Variants in RAPGEF4 observed in about 807,000 individuals in gnomAD.
RAPGEF4 encodes RAP guanine-nucleotide-exchange factor (GEF) 4.
Under a neutral mutation model 147.9 loss-of-function variants are expected in RAPGEF4, and 66 were observed. The observed-to-expected ratio is 0.45, with a 90% CI of 0.37 to 0.55. The LOEUF (loss-of-function observed/expected upper bound fraction) is 0.55, where lower values mean the gene tolerates loss of function less well. Ranked by LOEUF, RAPGEF4 falls within the 20% of genes least tolerant of loss-of-function variation. RAPGEF4 has a pLI of 0.00. For missense variants in RAPGEF4, 1,071 were observed against 1,257.3 expected, an observed-to-expected ratio of 0.85 and a Z score of 2.24; for synonymous variants, 419 against 442.7, an observed-to-expected ratio of 0.95 and a Z score of 0.67.
intron 3 of RAPGEF4, among the ~76,000 whole-genome samples, chr2:172,807,881 C>G (rs768787409): frequency 6.6e-6 from 1 of 152,146 alleles, no homozygotes; most frequent in Non-Finnish European, 1.5e-5. Context: ...ACAATGAACT[C>G]TTCTTGAGCC....
At chr2:172,901,769 C>A (rs1264998550) in intron 4 of RAPGEF4, among the ~76,000 whole-genome samples, 1 of 152,210 alleles carries the variant, frequency 6.6e-6, no homozygotes, top group Non-Finnish European at 1.5e-5. Context: ...CACTCAACAA[C>A]TATTCCCTGA....
At chr2:172,831,747 T>C (rs976761222) in intron 4 of RAPGEF4, among the ~76,000 whole-genome samples, 1 of 152,156 alleles carries the variant, frequency 6.6e-6, no homozygotes, top group African/African-American at 2.4e-5. Context: ...ATTAAGACTA[T>C]GGGATATCAA....
At chr2:172,904,373 T>C (rs1383984697) in intron 4 of RAPGEF4, among the ~76,000 whole-genome samples, 6 of 152,236 alleles carry the variant, frequency 3.9e-5, no homozygotes, top group African/African-American at 1.4e-4. Flanking sequence ...CTTAGTGTGA[T>C]GAGAGGTAAG....
chr2:172,772,586 C>T (rs1227138770), intron 1 of RAPGEF4, among the ~76,000 whole-genome samples: 3 of 152,266 alleles, frequency 2.0e-5, no homozygotes, highest in East Asian at 1.9e-4. Flanking sequence ...TCAAGTGATC[C>T]GCCTGCCTCA....
chr2:172,736,522 G>C (rs997147569), intron 1 of RAPGEF4, among the ~76,000 whole-genome samples: 2 of 152,198 alleles, frequency 1.3e-5, no homozygotes, highest in African/African-American at 4.8e-5. Context: ...CGGTGGAGCT[G>C]TCGAATCCCT....
At chr2:172,808,226 A>C (rs1370961476) in intron 3 of RAPGEF4, among the ~76,000 whole-genome samples, 3 of 152,250 alleles carry the variant, frequency 2.0e-5, no homozygotes, top group Non-Finnish European at 4.4e-5. Context: ...AAAACGCCTC[A>C]TATGAGAATG....
intron 4 of RAPGEF4, among the ~76,000 whole-genome samples, chr2:172,881,815 T>C (rs1194814738): frequency 6.6e-6 from 1 of 152,246 alleles, no homozygotes; most frequent in Non-Finnish European, 1.5e-5. Context: ...TGGTATGCCT[T>C]ATCAGAGAAT....
intron 27 of RAPGEF4, among the ~76,000 whole-genome samples, chr2:173,035,157 C>G (rs1683790805): frequency 6.6e-6 from 1 of 151,796 alleles, no homozygotes. Context: ...TGGGCTCAAG[C>G]AATCCCCCGA....
intron 6 of RAPGEF4, among the ~76,000 whole-genome samples, chr2:172,927,147 G>A (rs1685453647): frequency 6.6e-6 from 1 of 152,090 alleles, no homozygotes. Flanking sequence ...ATAAGTTTTA[G>A]AAATTATTAT....
chr2:172,890,323 T>G (rs1160940179), intron 4 of RAPGEF4, among the ~76,000 whole-genome samples: 3 of 152,220 alleles, frequency 2.0e-5, no homozygotes, highest in Admixed American at 6.5e-5. Context: ...GACTATTGGG[T>G]GACCTTTTGT....
intron 3 of RAPGEF4, among the ~76,000 whole-genome samples, chr2:172,804,384 A>C (rs1293350726): frequency 6.6e-6 from 1 of 152,158 alleles, no homozygotes; most frequent in East Asian, 1.9e-4. Flanking sequence ...TGAGGGTCCT[A>C]CTTATTTTTC....
intron 6 of RAPGEF4, among the ~76,000 whole-genome samples, chr2:172,934,779 C>T (rs887081144): frequency 6.6e-6 from 1 of 152,064 alleles, no homozygotes; most frequent in Non-Finnish European, 1.5e-5. Flanking sequence ...TCACCCCCTA[C>T]CCCAACATTC....
intron 9 of RAPGEF4, among the ~76,000 whole-genome samples, chr2:172,966,314 T>A (rs1689836540): frequency 6.6e-6 from 1 of 152,226 alleles, no homozygotes; most frequent in Admixed American, 6.5e-5. Flanking sequence ...TCATTTCATT[T>A]ACCAACACCT....
At chr2:172,868,910 A>G (rs950958292) in intron 4 of RAPGEF4, among the ~76,000 whole-genome samples, 1 of 152,218 alleles carries the variant, frequency 6.6e-6, no homozygotes, top group Non-Finnish European at 1.5e-5. Context: ...GGGAGCAGGC[A>G]TGTCACTGAC....
chr2:172,774,875 T>A (rs1394049740), intron 1 of RAPGEF4, among the ~76,000 whole-genome samples: 1 of 152,210 alleles, frequency 6.6e-6, no homozygotes, highest in Non-Finnish European at 1.5e-5. Flanking sequence ...TATTGTTGAA[T>A]GAAAGAAATT....
chr2:172,911,986 C>T (rs1405708054), intron 4 of RAPGEF4, among the ~76,000 whole-genome samples: 1 of 151,796 alleles, frequency 6.6e-6, no homozygotes, highest in Non-Finnish European at 1.5e-5. Context: ...AGGCTGGTTT[C>T]GAACTCCTGG....
At chr2:172,768,497 A>G (rs1200195077) in intron 1 of RAPGEF4, among the ~76,000 whole-genome samples, 1 of 150,704 alleles carries the variant, frequency 6.6e-6, no homozygotes, top group African/African-American at 2.5e-5. Context: ...AATTTTTGCA[A>G]CCAAAAGTAA....
intron 1 of RAPGEF4, among the ~76,000 whole-genome samples, chr2:172,757,922 A>G (rs1308339521): frequency 6.6e-6 from 1 of 152,246 alleles, no homozygotes; most frequent in Non-Finnish European, 1.5e-5. Flanking sequence ...TCTTGCTCTC[A>G]TGGAGCTTAC....
chr2:172,793,752 A>T (rs1445667467), intron 1 of RAPGEF4, among the ~76,000 whole-genome samples: 2 of 152,226 alleles, frequency 1.3e-5, no homozygotes, highest in African/African-American at 4.8e-5. Context: ...TCTTTGATTT[A>T]TCTTAATCCA....
Sources: allele counts gnomAD v4.1 joint callset (sites outside exome capture counted in the v4.1 genomes callset), GRCh38; gene constraint gnomAD v4.1.1; transcripts MANE v1.5; gene names NCBI Gene and HGNC (gene_info 2026-07-23, HGNC 2026-07-21).